PASD1: variants seen among roughly 807,000 people sequenced by gnomAD.
PASD1 encodes the protein circadian clock protein PASD1.
In PASD1, 13 loss-of-function variants were observed where a neutral mutation model predicts 58.8. The ratio of observed to expected loss-of-function variants is 0.22; its 90% CI spans 0.14 to 0.35. The LOEUF (loss-of-function observed/expected upper bound fraction) is 0.35. Among genes scored for constraint, PASD1 ranks in the 10% least tolerant of loss-of-function variants. The probability of loss-of-function intolerance (pLI) is 1.00; values close to 1 mark genes in which losing one functional copy is unlikely to be tolerated. For synonymous variants in PASD1, 236 were observed against 216.7 expected (o/e 1.09, Z -0.78); for missense variants, 734 against 568.3 (o/e 1.29, Z -2.96).
intron 8 of PASD1, among the ~76,000 whole-genome samples, chrX:151,638,525 A>T (rs749166822): frequency 5.4e-5 from 6 of 111,076 alleles, no homozygotes; most frequent in Admixed American, 1.9e-4. Flanking sequence ...TTTTAAACAC[A>T]TCTTAACTCA....
intron 8 of PASD1, among the ~76,000 whole-genome samples, chrX:151,630,102 A>G (rs2013848708): frequency 1.8e-5 from 2 of 112,215 alleles, no homozygotes; most frequent in Non-Finnish European, 3.8e-5. Flanking sequence ...TAGACAATGG[A>G]TTGTTTATCA....
chrX:151,649,411 C>T (rs2014103179), intron 9 of PASD1, among the ~76,000 whole-genome samples: 1 of 111,805 alleles, frequency 8.9e-6, no homozygotes, highest in Admixed American at 9.5e-5. Context: ...CCTGATTCTG[C>T]CACTTACCAG....
intron 4 of PASD1, 109 bp downstream of exon 4, chrX:151,611,862 CAACGTGCAG>C: frequency 1.9e-6 from 1 of 527,820 alleles, no homozygotes; most frequent in Non-Finnish European, 3.0e-6. Context: ...TACATGTGCA[CAACGTGCAG>C]GTTTGTTTCA....
intron 3 of PASD1, among the ~76,000 whole-genome samples, chrX:151,606,692 C>T (rs2013493212): frequency 9.0e-6 from 1 of 111,014 alleles, no homozygotes; most frequent in South Asian, 3.9e-4. Context: ...TGTTTTCTCA[C>T]TTACACTCCA....
At chrX:151,639,661 G>T (rs975074819) in intron 8 of PASD1, among the ~76,000 whole-genome samples, 1 of 111,208 alleles carries the variant, frequency 9.0e-6, no homozygotes, top group Non-Finnish European at 1.9e-5. Context: ...TTCTACTCTC[G>T]TACTGACACT....
intron 1 of PASD1, among the ~76,000 whole-genome samples, chrX:151,589,627 A>T (rs1415530252): frequency 9.0e-6 from 1 of 111,653 alleles, no homozygotes; most frequent in Non-Finnish European, 1.9e-5. Flanking sequence ...AGACTCATAG[A>T]AGTTAAGGAC....
chrX:151,659,436 AT>A (rs1170023846), intron 9 of PASD1, among the ~76,000 whole-genome samples: 1 of 112,085 alleles, frequency 8.9e-6, no homozygotes, highest in Middle Eastern at 4.7e-3. Flanking sequence ...ATCTATAAAC[AT>A]TTTTTGATGC....
At chrX:151,597,937 C>T (rs1433524381) in intron 1 of PASD1, among the ~76,000 whole-genome samples, 3 of 111,564 alleles carry the variant, frequency 2.7e-5, no homozygotes, top group Non-Finnish European at 1.9e-5. Flanking sequence ...ACCATGTTGC[C>T]GAGGCTAGTC....
chrX:151,615,104 A>G (rs768072745), intron 4 of PASD1, among the ~76,000 whole-genome samples: 1 of 111,817 alleles, frequency 8.9e-6, no homozygotes, highest in Non-Finnish European at 1.9e-5. Context: ...AAGACCAGAA[A>G]ACCACCCAAA....
intron 11 of PASD1, among the ~76,000 whole-genome samples, chrX:151,668,643 C>G (rs933578084): frequency 9.0e-6 from 1 of 110,996 alleles, no homozygotes; most frequent in African/African-American, 3.3e-5. Context: ...ATGCACCCTC[C>G]CAAGACTAAA....
chrX:151,569,591 A>G (rs1426072596), intron 1 of PASD1, among the ~76,000 whole-genome samples: 2 of 111,953 alleles, frequency 1.8e-5, no homozygotes, highest in Non-Finnish European at 3.8e-5. Flanking sequence ...TAGAGCTTTC[A>G]TGTAAAGTTC....
chrX:151,670,093 C>T (rs751230965), intron 11 of PASD1, among the ~76,000 whole-genome samples: 5 of 111,984 alleles, frequency 4.5e-5, no homozygotes, highest in African/African-American at 1.6e-4. Flanking sequence ...GTCTCTATAT[C>T]GTCTACCTCT....
rs781240587 is a variant in PASD1 at position 151,664,147 on chromosome X, G to A, written c.870G>A (p.Glu290=). Residue 290 remains glutamate (E), a synonymous_variant, in exon 11 of 16, where the codon GAG becomes GAA. Coordinates refer to ENST00000370357, the MANE Select transcript of PASD1 (RefSeq NM_173493.3). ...TATCCTTGCAAGACTTTCGAGGTGA[G>A]CCTGAGGTGAATCCATTGTACAGGG... The part of the protein sequence containing the change: ...PALSLQDFRG[E]PEVNPLYRAD... 8.3e-7 allele frequency: 1 copy of A among 1,208,998 alleles called. No individual in the cohort carries two copies. Among genetic ancestry groups the A allele is most frequent in the African/African-American group, 1.8e-5 (1 of 56,773 alleles).
At chrX:151,586,349 G>A (rs1436370018) in intron 1 of PASD1, among the ~76,000 whole-genome samples, 4 of 111,464 alleles carry the variant, frequency 3.6e-5, no homozygotes, top group African/African-American at 1.3e-4. Context: ...TAGCAAGAGA[G>A]AGAAAGATCA....
intron 1 of PASD1, among the ~76,000 whole-genome samples, chrX:151,594,584 C>T (rs1448654043): frequency 8.9e-6 from 1 of 112,047 alleles, no homozygotes; most frequent in Non-Finnish European, 1.9e-5. Context: ...TTTCCACCCT[C>T]CCGTCCTTTG....
chrX:151,621,977 A>G (rs1219893035), intron 6 of PASD1, among the ~76,000 whole-genome samples: 1 of 110,084 alleles, frequency 9.1e-6, no homozygotes, highest in Non-Finnish European at 1.9e-5. Flanking sequence ...ATTTTAAGTC[A>G]TGCATAGGCT....
intron 1 of PASD1, among the ~76,000 whole-genome samples, chrX:151,574,773 T>C (rs1373691275): frequency 1.8e-5 from 2 of 112,115 alleles, no homozygotes; most frequent in Non-Finnish European, 3.8e-5. Flanking sequence ...GTCCATAGAA[T>C]CTGTTAAAAG....
intron 11 of PASD1, among the ~76,000 whole-genome samples, chrX:151,668,418 T>C (rs1383050220): frequency 3.6e-5 from 4 of 111,009 alleles, no homozygotes; most frequent in Non-Finnish European, 7.5e-5. Context: ...CAGTATTTTA[T>C]TGAGGATTTT....
At chrX:151,632,294 T>C (rs755182687) in intron 8 of PASD1, among the ~76,000 whole-genome samples, 1 of 111,545 alleles carries the variant, frequency 9.0e-6, no homozygotes, top group Non-Finnish European at 1.9e-5. Flanking sequence ...AGTTAACATC[T>C]GAAAGGAGTG....
Sources: allele counts gnomAD v4.1 joint callset (sites outside exome capture counted in the v4.1 genomes callset), GRCh38; gene constraint gnomAD v4.1.1; transcripts MANE v1.5; gene names NCBI Gene and HGNC (gene_info 2026-07-23, HGNC 2026-07-21).